The following CR1 variants were observed in gnomAD, a reference collection of about 807,000 sequenced individuals.
The protein encoded by CR1 is complement C3b/C4b receptor 1 (Knops blood group).
A neutral mutation model predicts 187.3 loss-of-function variants in CR1; 116 were observed. The observed-to-expected ratio is 0.62, with a 90% CI of 0.53 to 0.72. CR1 has a LOEUF of 0.72. Ranked by LOEUF, CR1 falls within the 30% of genes least tolerant of loss-of-function variation. The pLI is 0.00. For missense variants in CR1, 1,731 were observed against 2,110.7 expected, an observed-to-expected ratio of 0.82 and a Z score of 3.52; for synonymous variants, 576 against 747.1, an observed-to-expected ratio of 0.77 and a Z score of 3.73.
rs17048010 is a variant in CR1, at chr1:207,627,544, T to C, written c.7353-2973T>C. Among the ~76,000 whole-genome samples, 1,086 of 152,344 alleles carry C rather than the reference T, an allele frequency of 7.1e-3. 98 individuals carry two copies. In the East Asian group the frequency reaches 0.17, roughly 24 times the overall value. On this transcript the variant is annotated intron_variant, in intron 45 of 46. Coordinates refer to ENST00000367049, the MANE Select transcript of CR1 (RefSeq NM_000651.6). The stretch of plus-strand genomic sequence containing the variant: ...TTCAAGGCTGCTCCTTGTTCTAATA[T>C]ACCAACTGTCTCAGTCTGTTGGTAT...
At chr1:207,590,911 A>C (rs1021014327) in intron 35 of CR1, among the ~76,000 whole-genome samples, 1 of 152,214 alleles carries the variant, frequency 6.6e-6, no homozygotes, top group African/African-American at 2.4e-5. Context: ...AACTATCCTA[A>C]ATATATATGC....
Position 207,616,780 on chromosome 1 carries a change from C to T in CR1, c.6867C>T (p.Arg2289=), listed in dbSNP as rs147860921. Residue 2289 remains arginine, a synonymous_variant, in exon 41 of 47, where the codon CGC becomes CGT. Transcript: ENST00000367049. ...GGGTTTGGAGCAGCCCTGCCCCTCGCTGTGAACTTTCTGTTCCTGCTGGTT... is the reference window on the plus strand; with the variant it reads ...GGGTTTGGAGCAGCCCTGCCCCTCGTTGTGAACTTTCTGTTCCTGCTGGTT... ...GNGVWSSPAP[R]CELSVPAACP... is the part of the protein sequence containing the mutation. 1,595 of 1,613,958 alleles carry T rather than the reference C, an allele frequency of 9.9e-4. 39 individuals carry two copies. The East Asian group carries it at 0.032, about 32-fold the overall frequency.
At chr1:207,616,008 G>A (rs551454160) in intron 40 of CR1, among the ~76,000 whole-genome samples, 1 of 152,158 alleles carries the variant, frequency 6.6e-6, no homozygotes, top group Admixed American at 6.5e-5. Context: ...CTAATAATTG[G>A]AAGAAATCAA....
chr1:207,580,694 G>C lies in CR1; in HGVS notation c.5216+81G>C. The C allele has an allele frequency of 1.8e-5, 23 of 1,274,386 alleles. 1 individual carries two copies. In the South Asian group the frequency reaches 3.0e-4, roughly 17 times the overall value. The allele number at this position is 1,274,386 out of a possible 1,614,324, so 78.9% of individuals were successfully genotyped here. On this transcript the variant is annotated intron_variant, in intron 31 of 46. Transcript: ENST00000367049. ...GCTTAAGGATCAATCCAAAAAGAGG[G>C]CTGACCTAGGAGAAGAAGAATCCAG...
chr1:207,565,077 G>C (rs1217965523), intron 23 of CR1, among the ~76,000 whole-genome samples: 2 of 149,970 alleles, frequency 1.3e-5, no homozygotes, highest in East Asian at 1.9e-4. Flanking sequence ...TCCCAGCAAG[G>C]TCATTACCTT....
intron 4 of CR1, among the ~76,000 whole-genome samples, chr1:207,515,681 T>G (rs1289412867): frequency 3.3e-5 from 5 of 152,206 alleles, no homozygotes; most frequent in Non-Finnish European, 5.9e-5. Flanking sequence ...GAGTACCTTT[T>G]CACGTTTGTG....
chr1:207,628,280 C>T (rs748216106), intron 45 of CR1, among the ~76,000 whole-genome samples: 8 of 152,024 alleles, frequency 5.3e-5, no homozygotes, highest in Non-Finnish European at 7.4e-5. Context: ...CCTCACCATC[C>T]CTGCTCCCTG....
rs1332301171 is a variant in CR1, at chr1:207,617,507, A to ATATGTGTGTGTG, written c.6890-563_6890-562insATGTGTGTGTGT. Among the ~76,000 whole-genome samples the ATATGTGTGTGTG allele has an allele frequency of 8.9e-4, 42 of 47,022 alleles. 1 individual carries two copies. Among genetic ancestry groups the ATATGTGTGTGTG allele is most frequent in the African/African-American group, 2.6e-3 (41 of 15,782 alleles). The allele number at this position is 47,022 out of a possible 152,430, so 30.8% of individuals were successfully genotyped here. A position where few individuals can be genotyped will look rare whatever the true frequency, so the allele number is the denominator to read the frequency against. ...AGTATATATATATATATATATATATATGTGTGTGTGTGTGTGTGTGTGTGT... is the reference window on the plus strand; with the variant it reads ...AGTATATATATATATATATATATATATATGTGTGTGTGTGTGTGTGTGTGTGTGTGTGTGTGT... On this transcript the variant is annotated intron_variant, in intron 41 of 46. Transcript: ENST00000367049.
At chr1:207,519,417 A>G (rs1257855809) in intron 4 of CR1, among the ~76,000 whole-genome samples, 1 of 152,030 alleles carries the variant, frequency 6.6e-6, no homozygotes, top group Non-Finnish European at 1.5e-5. Context: ...TAATTCATCA[A>G]GTATTTTTAT....
chr1:207,496,487 G>T (rs1164400376), intron 1 of CR1, 99 bp downstream of exon 1: 66 of 1,276,818 alleles, frequency 5.2e-5, no homozygotes, highest in Non-Finnish European at 6.5e-5. Context: ...TGCTCTGCGC[G>T]CCCGGGTCCG....
At chr1:207,625,239 C>T (rs1662444926) in intron 45 of CR1, among the ~76,000 whole-genome samples, 1 of 152,132 alleles carries the variant, frequency 6.6e-6, no homozygotes, top group Non-Finnish European at 1.5e-5. Context: ...TCTCGTAAAA[C>T]CTGCCTCCTA....
At chr1:207,619,036 C>CAAAA (rs71727231) in intron 42 of CR1, among the ~76,000 whole-genome samples, 3 of 38,452 alleles carry the variant, frequency 7.8e-5, no homozygotes, top group African/African-American at 1.2e-4. Context: ...GACTCCGTCT[C>CAAAA]AAAAAAAAAA....
chr1:207,505,198 G>A (rs1488435906), intron 1 of CR1, among the ~76,000 whole-genome samples: 1 of 152,156 alleles, frequency 6.6e-6, no homozygotes, highest in East Asian at 1.9e-4. Flanking sequence ...CTGTCACCCA[G>A]GCTGGAGTGC....
intron 3 of CR1, among the ~76,000 whole-genome samples, chr1:207,508,492 A>T (rs1265842496): frequency 2.0e-5 from 3 of 152,260 alleles, no homozygotes; most frequent in Admixed American, 2.0e-4. Context: ...AACTGCATAG[A>T]CATAAATACA....
Position 207,612,058 on chromosome 1 carries a change from G to T in CR1, c.6575+17G>T, listed in dbSNP as rs751678446. Reference sequence around the variant, plus strand: ...CGATGAAGGGTGAGTGTGACCCAGCGTTGAGACCAAGGACTCAGTGTGGAG... The same window carrying T: ...CGATGAAGGGTGAGTGTGACCCAGCTTTGAGACCAAGGACTCAGTGTGGAG... On this transcript the variant is annotated intron_variant, in intron 39 of 46. Coordinates refer to ENST00000367049, the MANE Select transcript of CR1 (RefSeq NM_000651.6). 10 of 1,610,484 alleles carry T rather than the reference G, an allele frequency of 6.2e-6. No homozygotes were observed. The highest frequency in any genetic ancestry group is 1.3e-5 in the African/African-American group (1 of 74,848).
At chr1:207,544,610 T>G (rs532169253) in intron 13 of CR1, among the ~76,000 whole-genome samples, 1,048 of 103,922 alleles carry the variant, frequency 0.01, 107 homozygotes, top group African/African-American at 0.042. Flanking sequence ...AGAGAGAGCC[T>G]GAGATGCCGT....
chr1:207,510,746 T>TTCCTTCCTTCCTTCCTTCC (rs1199161799), intron 3 of CR1, among the ~76,000 whole-genome samples: 12,182 of 148,416 alleles, frequency 0.082, 724 homozygotes, highest in South Asian at 0.15. Flanking sequence ...TCCTTCCTTC[T>TTCCTTCCTTCCTTCCTTCC]TTCCTTCCTT....
intron 4 of CR1, among the ~76,000 whole-genome samples, chr1:207,518,025 C>T (rs77207050): frequency 3.3e-4 from 50 of 152,210 alleles, no homozygotes; most frequent in Non-Finnish European, 6.3e-4. Flanking sequence ...GTGTATTCCT[C>T]CAGTCCTAAA....
At chr1:207,575,563 C>T (rs761915123) in intron 27 of CR1, 32 bp from the exon 28 acceptor site, 31 of 1,611,576 alleles carry the variant, frequency 1.9e-5, no homozygotes, top group Non-Finnish European at 2.5e-5. Flanking sequence ...GAGGTATGTA[C>T]AGGACAATGA....
Sources: gnomAD v4.1 joint callset for allele counts (sites outside exome capture counted in the v4.1 genomes callset) on GRCh38, gnomAD v4.1.1 for gene constraint, MANE v1.5 for transcripts, NCBI Gene and HGNC (gene_info 2026-07-23, HGNC 2026-07-21) for gene names.